The following MPZL2 variants were observed in gnomAD, a reference collection of about 807,000 sequenced individuals.
The protein encoded by MPZL2 is myelin protein zero like 2.
A neutral mutation model predicts 24.5 loss-of-function variants in MPZL2; 32 were observed. The observed-to-expected ratio is 1.31, with a 90% CI of 0.99 to 1.76. MPZL2 has a LOEUF of 1.76. Among genes scored for constraint, MPZL2 ranks in the 40% most tolerant of loss-of-function variants. The pLI, the probability that MPZL2 is intolerant of heterozygous loss-of-function variation, is 0.00. For missense variants in MPZL2, 304 were observed against 274.9 expected (o/e 1.11, Z -0.75); for synonymous variants, 92 against 97.9 (o/e 0.94, Z 0.36).
intron 1 of MPZL2, 87 bp downstream of exon 1, chr11:118,264,009 A>G (rs1949721268): frequency 1.4e-6 from 2 of 1,400,522 alleles, no homozygotes; most frequent in Admixed American, 3.6e-5. Flanking sequence ...TCCCAAACAA[A>G]AGTCTTGCAA....
chr11:118,258,869 G>T (rs978572873), intron 4 of MPZL2, among the ~76,000 whole-genome samples: 18 of 152,052 alleles, frequency 1.2e-4, no homozygotes, highest in African/African-American at 4.3e-4. Flanking sequence ...AGCTCCCTGA[G>T]GCCTCCTCAG....
intron 3 of MPZL2, among the ~76,000 whole-genome samples, chr11:118,261,619 G>A (rs1443463032): frequency 6.6e-6 from 1 of 152,134 alleles, no homozygotes; most frequent in Non-Finnish European, 1.5e-5. Context: ...CTTTACAGAT[G>A]AGGAAAATAA....
chr11:118,261,839 G>A (rs909126270), intron 3 of MPZL2, among the ~76,000 whole-genome samples: 1 of 152,186 alleles, frequency 6.6e-6, no homozygotes, highest in Non-Finnish European at 1.5e-5. Context: ...TATCAGCTAC[G>A]TGACTCAGGG....
chr11:118,264,134 G>C lies in MPZL2; in HGVS notation c.20C>G (p.Thr7Ser), dbSNP rs779371966. The part of the protein sequence containing the change: MYGKSS[T>S]RAVLLLLGIQ... ...GCCAAGGAGAAGAAGCACCGCACGAGTAGAGCTCTTGCCATACATGAGGGA... is the reference window on the plus strand; with the variant it reads ...GCCAAGGAGAAGAAGCACCGCACGACTAGAGCTCTTGCCATACATGAGGGA... Residue 7 changes from threonine to serine, a missense_variant, in exon 1 of 6, where the codon ACT becomes AGT. By Grantham distance (58) the Thr-to-Ser change is moderately conservative (BLOSUM62 1). Coordinates refer to ENST00000278937, the MANE Select transcript of MPZL2 (RefSeq NM_005797.4). 1.9e-6 allele frequency: 3 copies of C among 1,614,018 alleles called. No individual in the cohort carries two copies. In the Admixed American group the frequency reaches 5.0e-5, roughly 27 times the overall value.
chr11:118,257,595 C>T (rs919845616), intron 4 of MPZL2: 19 of 289,530 alleles, frequency 6.6e-5, no homozygotes, highest in Non-Finnish European at 1.1e-4. Flanking sequence ...CCATTAGTAT[C>T]CCACCTCTAA....
chr11:118,253,447 G>A lies in MPZL2; in HGVS notation c.*1799C>T, dbSNP rs1949643082. 6.6e-6 allele frequency: 1 copy of A among 152,028 alleles called. No individual in the cohort carries two copies. The highest frequency in any genetic ancestry group is 1.5e-5 in the Non-Finnish European group (1 of 68,014). The allele number at this position is 152,028 out of a possible 1,614,324, so 9.4% of individuals were successfully genotyped here. A position where few individuals can be genotyped will look rare whatever the true frequency, so the allele number is the denominator to read the frequency against. On this transcript the variant is annotated 3_prime_UTR_variant, in exon 6 of 6. Transcript: ENST00000278937. ...AACTGATAATTCTTTATTACTAAAG[G>A]TTTATTTACATAGTGTTTAAAGCAT...
At position 118,262,605 on chromosome 11, in the gene MPZL2, C is replaced by T. The variant is rs752244642; in HGVS notation, c.269G>A (p.Arg90Gln). 1.9e-5 allele frequency: 30 copies of T among 1,613,948 alleles called. No individual in the cohort carries two copies. The highest frequency in any genetic ancestry group is 8.0e-5 in the African/African-American group (6 of 74,920). ...HIDPFQPMSGRFKDRVSWDGN... is the reference protein window; with the variant it reads ...HIDPFQPMSGQFKDRVSWDGN... ...ATCCCAAGACACCCGGTCCTTAAAC[C>T]GCCCACTCATGGGTTGGAAGGGATC... The change falls in exon 3 of 6, where the codon CGG becomes CAG. Residue 90 changes from arginine (R) to glutamine (Q), a missense_variant. Coordinates refer to ENST00000278937, the MANE Select transcript of MPZL2 (RefSeq NM_005797.4).
In MPZL2 at chr11:118,257,313, T is replaced by G. The variant is rs375378520; in HGVS notation, c.585A>C (p.Ser195=). 84 of 1,611,546 alleles carry G rather than the reference T, an allele frequency of 5.2e-5. No homozygotes were observed. Among genetic ancestry groups the G allele is most frequent in the Non-Finnish European group, 6.7e-5 (79 of 1,178,782 alleles). Residue 195 remains serine (S), a splice_region_variant and synonymous_variant, in exon 5 of 6, where the codon TCA becomes TCC. Coordinates refer to ENST00000278937, the MANE Select transcript of MPZL2 (RefSeq NM_005797.4). ...CTTGGTTGAGCCTTTCCTCTTCTTT[T>G]CTGTAACAAGCAGAAACCAAATGTC... ...ERAHKVVEIK[S]KEEERLNQEK...
chr11:118,260,486 G>C (rs1045613889), intron 3 of MPZL2, among the ~76,000 whole-genome samples: 35 of 152,262 alleles, frequency 2.3e-4, no homozygotes, highest in African/African-American at 8.2e-4. Flanking sequence ...AAACACTAGA[G>C]GTGCGGCTGA....
Position 118,260,073 on chromosome 11 carries a change from T to A in MPZL2, c.565A>T (p.Lys189Ter). The A allele has an allele frequency of 6.2e-7, 1 of 1,614,026 alleles. No individual in the cohort carries two copies. The highest frequency in any genetic ancestry group is 1.7e-5 in the Admixed American group (1 of 60,024). The change falls in exon 4 of 6, where the codon AAA (lysine) becomes TAA (stop). Residue 189 changes from lysine (K) to a stop codon, truncating the protein, a stop_gained. Coordinates refer to ENST00000278937, the MANE Select transcript of MPZL2 (RefSeq NM_005797.4). LOFTEE classifies it high-confidence loss of function. Reference sequence around the variant, plus strand: ...CCTTACGATTTTATCTCCACCACTTTATGAGCTCTTTCGGCCCATCGCTTT... The same window carrying A: ...CCTTACGATTTTATCTCCACCACTTAATGAGCTCTTTCGGCCCATCGCTTT... ...RKKRWAERAH[K>*]VVEIKSKEEE...
At chr11:118,257,753 G>A (rs1793147) in intron 4 of MPZL2, 13,754 of 153,770 alleles carry the variant, frequency 0.089, 2,067 homozygotes, top group African/African-American at 0.31. Context: ...GGCTCACGCT[G>A]TAATCCCAAC....
intron 4 of MPZL2, among the ~76,000 whole-genome samples, chr11:118,258,506 A>T (rs532597927): frequency 6.6e-6 from 1 of 152,344 alleles, no homozygotes; most frequent in South Asian, 2.1e-4. Flanking sequence ...ATACAAATGG[A>T]CAATAAGAAC....
rs74543584 is a variant in MPZL2 at position 118,262,596 on chromosome 11, T to A, written c.278A>T (p.Asp93Val). 5.8e-3 allele frequency: 9,288 copies of A among 1,614,110 alleles called. 49 individuals carry two copies. Among genetic ancestry groups the A allele is most frequent in the Non-Finnish European group, 7.3e-3 (8,668 of 1,180,016 alleles). Residue 93 changes from aspartate to valine, a missense_variant, in exon 3 of 6, where the codon GAC (aspartate) becomes GTC (valine). Transcript: ENST00000278937. The part of the protein sequence containing the change: ...PFQPMSGRFK[D>V]RVSWDGNPER... The stretch of plus-strand genomic sequence containing the variant: ...AGGATTCCCATCCCAAGACACCCGG[T>A]CCTTAAACCGCCCACTCATGGGTTG...
At chr11:118,256,205 C>T (rs1793151) in intron 5 of MPZL2, among the ~76,000 whole-genome samples, 86,437 of 151,944 alleles carry the variant, frequency 0.57, 25,062 homozygotes, top group South Asian at 0.74. Context: ...AAAATGTTCT[C>T]CCGTGTAACA....
Position 118,264,105 on chromosome 11 carries a change from G to A in MPZL2, c.49C>T (p.Gln17Ter). ...TRAVLLLLGIQLTALWPIAAV... is the reference protein window; with the variant it reads ...TRAVLLLLGI ...GCCCGCCGGCTCTTACCTGTGAGCTGTATGCCAAGGAGAAGAAGCACCGCA... is the reference window on the plus strand; with the variant it reads ...GCCCGCCGGCTCTTACCTGTGAGCTATATGCCAAGGAGAAGAAGCACCGCA... Residue 17 changes from glutamine to a stop codon, truncating the protein, a stop_gained, in exon 1 of 6, where the codon CAG (glutamine) becomes TAG (stop). Coordinates refer to ENST00000278937, the MANE Select transcript of MPZL2 (RefSeq NM_005797.4). LOFTEE classifies it high-confidence loss of function. The A allele has an allele frequency of 6.2e-7, 1 of 1,614,112 alleles. No homozygotes were observed. The highest frequency in any genetic ancestry group is 8.5e-7 in the Non-Finnish European group (1 of 1,180,008).
chr11:118,262,507 A>G lies in MPZL2; in HGVS notation c.367T>C (p.Cys123Arg), dbSNP rs1393638067. ...LQFDDNGTYT[C>R]QVKNPPDVDG... is the part of the protein sequence containing the mutation. ...ACATCAGGTGGGTTCTTCACCTGGC[A>G]GGTGTATGTCCCATTGTCGTCGAAC... The change falls in exon 3 of 6, where the codon TGC becomes CGC. Residue 123 changes from cysteine to arginine, a missense_variant. Coordinates refer to ENST00000278937, the MANE Select transcript of MPZL2 (RefSeq NM_005797.4). 1.9e-6 allele frequency: 3 copies of G among 1,614,172 alleles called. No homozygotes were observed. Among genetic ancestry groups the G allele is most frequent in the Non-Finnish European group, 2.5e-6 (3 of 1,180,032 alleles).
chr11:118,260,194 G>T lies in MPZL2; in HGVS notation c.444C>A (p.Phe148Leu). ...IRLSVVHTVRFSEIHFLALAI... is the reference protein window; with the variant it reads ...IRLSVVHTVRLSEIHFLALAI... ...CCAGAGCCAGGAAGTGGATCTCAGAGAAGCGTACTGTAAGGAGAAAAAGAT... is the reference window on the plus strand; with the variant it reads ...CCAGAGCCAGGAAGTGGATCTCAGATAAGCGTACTGTAAGGAGAAAAAGAT... Residue 148 changes from phenylalanine to leucine, a missense_variant, in exon 4 of 6, where the codon TTC (phenylalanine) becomes TTA (leucine). Coordinates refer to ENST00000278937, the MANE Select transcript of MPZL2 (RefSeq NM_005797.4). 1 of 1,613,794 alleles carries T rather than the reference G, an allele frequency of 6.2e-7. No homozygotes were observed. The highest frequency in any genetic ancestry group is 8.5e-7 in the Non-Finnish European group (1 of 1,179,832).
chr11:118,258,523 A>G (rs894921604), intron 4 of MPZL2, among the ~76,000 whole-genome samples: 1 of 152,212 alleles, frequency 6.6e-6, no homozygotes, highest in Non-Finnish European at 1.5e-5. Flanking sequence ...GAACATGGGA[A>G]GATGCTCAAC....
intron 3 of MPZL2, among the ~76,000 whole-genome samples, chr11:118,260,798 T>A (rs1221897449): frequency 3.3e-5 from 5 of 152,134 alleles, no homozygotes; most frequent in Non-Finnish European, 5.9e-5. Flanking sequence ...AGTGGATAAA[T>A]GATGGAAAAG....
Sources: allele counts gnomAD v4.1 joint callset (sites outside exome capture counted in the v4.1 genomes callset), GRCh38; gene constraint gnomAD v4.1.1; transcripts MANE v1.5; gene names NCBI Gene and HGNC (gene_info 2026-07-23, HGNC 2026-07-21).